Variants in SYBU observed in about 807,000 individuals in gnomAD.
SYBU encodes syntabulin.
A neutral mutation model predicts 35.9 loss-of-function variants in SYBU; 21 were observed. That is an observed-to-expected ratio of 0.58 (90% CI 0.41 to 0.84). The LOEUF is 0.84. Among genes scored for constraint, SYBU ranks in the 40% least tolerant of loss-of-function variants. SYBU has a pLI of 0.00. For synonymous variants in SYBU, 319 were observed against 324.3 expected (o/e 0.98, Z 0.18); for missense variants, 768 against 848.2 (o/e 0.91, Z 1.17).
chr8:109,689,152 G>T (rs1055674418), intron 1 of SYBU, among the ~76,000 whole-genome samples: 3 of 151,996 alleles, frequency 2.0e-5, no homozygotes, highest in African/African-American at 7.2e-5. Context: ...TCTTTATTTT[G>T]AAATTATTAT....
chr8:109,657,148 C>T (rs1239750128), intron 1 of SYBU, among the ~76,000 whole-genome samples: 1 of 152,058 alleles, frequency 6.6e-6, no homozygotes, highest in African/African-American at 2.4e-5. Context: ...CCACAGAGTA[C>T]TGCTGTTTTT....
At chr8:109,644,419 T>C (rs1282430298) in intron 1 of SYBU, among the ~76,000 whole-genome samples, 3 of 152,082 alleles carry the variant, frequency 2.0e-5, no homozygotes, top group African/African-American at 7.2e-5. Flanking sequence ...TCCAATCATG[T>C]CATTCTCCAA....
chr8:109,675,959 T>C (rs1170805554), intron 1 of SYBU, among the ~76,000 whole-genome samples: 1 of 152,230 alleles, frequency 6.6e-6, no homozygotes, highest in Non-Finnish European at 1.5e-5. Flanking sequence ...GTTGGTTTCA[T>C]CCCTGGGATG....
At chr8:109,635,769 C>T (rs1814160144) in intron 2 of SYBU, among the ~76,000 whole-genome samples, 1 of 152,132 alleles carries the variant, frequency 6.6e-6, no homozygotes, top group African/African-American at 2.4e-5. Flanking sequence ...AGGCAGACTC[C>T]AGTCACTCCT....
chr8:109,581,455 G>T (rs1318622307), intron 4 of SYBU, among the ~76,000 whole-genome samples: 2 of 152,186 alleles, frequency 1.3e-5, no homozygotes, highest in Non-Finnish European at 2.9e-5. Flanking sequence ...CAACTGTAGA[G>T]TATTATTAGA....
At chr8:109,641,360 T>C (rs1221890050) in intron 2 of SYBU, among the ~76,000 whole-genome samples, 1 of 152,240 alleles carries the variant, frequency 6.6e-6, no homozygotes, top group South Asian at 2.1e-4. Flanking sequence ...TAAGCACTTC[T>C]GTAAGCCAGG....
At chr8:109,581,355 C>T (rs1823012620) in intron 4 of SYBU, among the ~76,000 whole-genome samples, 1 of 152,196 alleles carries the variant, frequency 6.6e-6, no homozygotes, top group Admixed American at 6.5e-5. Context: ...CACACACACC[C>T]ACCCCTTTCC....
chr8:109,638,660 A>C (rs1385104153), intron 2 of SYBU, among the ~76,000 whole-genome samples: 2 of 152,228 alleles, frequency 1.3e-5, no homozygotes, highest in Non-Finnish European at 2.9e-5. Flanking sequence ...AATAATGTAC[A>C]ATGTTCTACT....
rs771860038 is a variant in SYBU, at chr8:109,577,903, G to A, written c.849C>T (p.Thr283=). 6.2e-7 allele frequency: 1 copy of A among 1,613,632 alleles called. No homozygotes were observed. The highest frequency in any genetic ancestry group is 8.5e-7 in the Non-Finnish European group (1 of 1,179,800). The change falls in exon 6 of 7, where the codon ACC becomes ACT. Residue 283 remains threonine, a synonymous_variant. Transcript: ENST00000276646. The part of the protein sequence containing the change: ...QKEVTVRHLK[T]KLKESERRLH... ...GTCGGCGCTCAGATTCCTTCAGCTT[G>A]GTTTTGAGGTGTCTCACTGTCACCT...
At chr8:109,625,838 T>C (rs1226273231) in intron 2 of SYBU, among the ~76,000 whole-genome samples, 1 of 152,232 alleles carries the variant, frequency 6.6e-6, no homozygotes, top group African/African-American at 2.4e-5. Context: ...CTTGGTCAAA[T>C]CTTTGATGAG....
intron 1 of SYBU, among the ~76,000 whole-genome samples, chr8:109,655,060 A>G (rs549377994): frequency 2.0e-5 from 3 of 152,172 alleles, no homozygotes; most frequent in South Asian, 2.1e-4. Context: ...AAATCTTTCA[A>G]TGCTCACTAC....
chr8:109,662,933 C>T (rs1816617351), intron 1 of SYBU, among the ~76,000 whole-genome samples: 1 of 152,084 alleles, frequency 6.6e-6, no homozygotes, highest in East Asian at 1.9e-4. Context: ...TAAGACCTGG[C>T]CCCAAACACA....
upstream of SYBU, chr8:109,648,581 A>G (rs1231991555): frequency 6.6e-6 from 1 of 152,100 alleles, no homozygotes; most frequent in Non-Finnish European, 1.5e-5. Context: ...CTAGACTGCA[A>G]ACTTCACAGA....
intron 3 of SYBU, among the ~76,000 whole-genome samples, chr8:109,603,968 C>T (rs1378005779): frequency 2.0e-5 from 3 of 151,970 alleles, no homozygotes; most frequent in Non-Finnish European, 4.4e-5. Context: ...GCATATGTCA[C>T]ATACATTCTC....
At chr8:109,645,626 G>GT (rs201121007), upstream of SYBU, 3,310 of 244,918 alleles carry the variant, frequency 0.014, 169 homozygotes, top group African/African-American at 0.087. Flanking sequence ...TTGTTGTTTC[G>GT]TTTTTTGTTT....
intron 3 of SYBU, chr8:109,586,459 C>T (rs7828075): frequency 0.12 from 41,916 of 338,470 alleles, 3,038 homozygotes; most frequent in South Asian, 0.26. Flanking sequence ...ATGCACTGTT[C>T]TCCCGTATGT....
chr8:109,636,682 C>T (rs188971787), intron 2 of SYBU, among the ~76,000 whole-genome samples: 4 of 152,180 alleles, frequency 2.6e-5, no homozygotes, highest in Admixed American at 1.3e-4. Context: ...TTTGGCGTAA[C>T]CCCAAATCAT....
rs991822943 is a variant in SYBU at position 109,574,727 on chromosome 8, T to A, written c.*179A>T. ...GACATTTACTGGAACCAGGTCTCCA[T>A]GCCTTTGAAGATACCTCCGGTTTTA... On this transcript the variant is annotated 3_prime_UTR_variant, in exon 7 of 7. Coordinates refer to ENST00000276646, the MANE Select transcript of SYBU (RefSeq NM_001099754.2). 13 of 566,182 alleles carry A rather than the reference T, an allele frequency of 2.3e-5. 1 individual carries two copies. In the South Asian group the frequency reaches 6.6e-4, roughly 29 times the overall value. 35.1% of individuals were successfully genotyped at this position (566,182 alleles called of 1,614,324 possible). A position where few individuals can be genotyped will look rare whatever the true frequency, so the allele number is the denominator to read the frequency against.
intron 1 of SYBU, among the ~76,000 whole-genome samples, chr8:109,665,214 G>T (rs933611273): frequency 6.6e-6 from 1 of 151,914 alleles, no homozygotes; most frequent in Non-Finnish European, 1.5e-5. Context: ...ATATTATTTC[G>T]GTATGTAACA....
Sources: allele counts gnomAD v4.1 joint callset (sites outside exome capture counted in the v4.1 genomes callset), GRCh38; gene constraint gnomAD v4.1.1; transcripts MANE v1.5; gene names NCBI Gene and HGNC (gene_info 2026-07-23, HGNC 2026-07-21).